The following INTS4 variants were observed in gnomAD, a reference collection of about 807,000 sequenced individuals.
INTS4 encodes integrator complex subunit 4.
INTS4 carries 70 observed loss-of-function variants against 119.5 expected under a neutral mutation model. The ratio of observed to expected loss-of-function variants is 0.59; its 90% CI spans 0.48 to 0.71. The LOEUF (loss-of-function observed/expected upper bound fraction) is 0.71. INTS4 is among the 30% of genes least tolerant of loss of function. INTS4 has a pLI of 0.00. For synonymous variants in INTS4, 316 were observed against 419.6 expected (o/e 0.75, Z 3.02); for missense variants, 867 against 1,173.2 (o/e 0.74, Z 3.81).
chr11:77,905,539 G>A (rs1462442157), intron 16 of INTS4, among the ~76,000 whole-genome samples: 2 of 151,858 alleles, frequency 1.3e-5, no homozygotes, highest in East Asian at 3.9e-4. Flanking sequence ...CTCCATGAAA[G>A]TGCATCATCA....
intron 16 of INTS4, among the ~76,000 whole-genome samples, chr11:77,906,525 A>C (rs1293857881): frequency 1.3e-5 from 2 of 152,236 alleles, no homozygotes; most frequent in Admixed American, 6.5e-5. Context: ...AGGCTTGGAA[A>C]AGCCAAACAA....
chr11:77,881,605 G>A (rs1275425610), intron 22 of INTS4, among the ~76,000 whole-genome samples: 3 of 152,180 alleles, frequency 2.0e-5, no homozygotes, highest in African/African-American at 7.2e-5. Context: ...TTGGTCTAAA[G>A]ATTAAATGAA....
chr11:77,967,247 G>A (rs984090512), intron 4 of INTS4, among the ~76,000 whole-genome samples: 1 of 152,124 alleles, frequency 6.6e-6, no homozygotes, highest in Non-Finnish European at 1.5e-5. Context: ...CCTTTCAGTA[G>A]GTAATTAAGG....
chr11:77,924,433 T>C (rs1953445515), intron 12 of INTS4: 2 of 220,008 alleles, frequency 9.1e-6, no homozygotes, highest in Non-Finnish European at 1.8e-5. Context: ...AAACACTATA[T>C]AGGAGAAAGA....
intron 8 of INTS4, among the ~76,000 whole-genome samples, chr11:77,952,104 AAATT>A (rs1419982504): frequency 1.3e-5 from 2 of 152,208 alleles, no homozygotes; most frequent in Admixed American, 6.5e-5. Flanking sequence ...CAATTTTTTA[AAATT>A]AATTAATTTT....
At chr11:77,990,976 G>C (rs1049525858) in intron 2 of INTS4, 132 bp downstream of exon 2, 3 of 722,836 alleles carry the variant, frequency 4.2e-6, no homozygotes, top group African/African-American at 3.6e-5. Flanking sequence ...GGTATCCATA[G>C]TACCTAGCAC....
chr11:77,887,016 C>A (rs531155209), intron 21 of INTS4, among the ~76,000 whole-genome samples: 2 of 151,748 alleles, frequency 1.3e-5, no homozygotes, highest in East Asian at 3.9e-4. Flanking sequence ...AAAATTGACA[C>A]CCTAACATCA....
At chr11:77,952,474 A>G (rs1565268127) in intron 8 of INTS4, among the ~76,000 whole-genome samples, 1 of 152,252 alleles carries the variant, frequency 6.6e-6, no homozygotes, top group East Asian at 1.9e-4. Flanking sequence ...GTGCTTGTAT[A>G]TAAAGAAGTG....
chr11:77,963,397 T>C (rs935520704), intron 4 of INTS4: 2 of 407,324 alleles, frequency 4.9e-6, no homozygotes, highest in Non-Finnish European at 9.4e-6. Context: ...CTTTTCTTTA[T>C]ACTGTTGGAT....
chr11:77,967,002 T>A (rs1385682251), intron 4 of INTS4, among the ~76,000 whole-genome samples: 1 of 152,062 alleles, frequency 6.6e-6, no homozygotes, highest in Non-Finnish European at 1.5e-5. Flanking sequence ...TGCCAATACT[T>A]TTTTTTTCTT....
chr11:77,912,365 A>G (rs1334297954), intron 15 of INTS4, among the ~76,000 whole-genome samples: 1 of 151,648 alleles, frequency 6.6e-6, no homozygotes, highest in Admixed American at 6.6e-5. Context: ...CCATCTCCAA[A>G]AAAAAAAAAA....
At chr11:77,973,001 T>C (rs1429965504) in intron 4 of INTS4, among the ~76,000 whole-genome samples, 1 of 151,668 alleles carries the variant, frequency 6.6e-6, no homozygotes, top group Non-Finnish European at 1.5e-5. Context: ...CCACCATACC[T>C]GACTAATTTT....
At chr11:77,955,913 T>C (rs1166702876) in intron 8 of INTS4, 29 bp downstream of exon 8, 2 of 1,564,612 alleles carry the variant, frequency 1.3e-6, no homozygotes, top group South Asian at 1.1e-5. Flanking sequence ...TATACATGCA[T>C]ACATACATAC....
chr11:77,930,130 A>T (rs1953610627), intron 10 of INTS4, among the ~76,000 whole-genome samples: 1 of 152,248 alleles, frequency 6.6e-6, no homozygotes, highest in South Asian at 2.1e-4. Flanking sequence ...AATGCTCATA[A>T]GACTTCTATA....
chr11:77,929,284 A>AT (rs1162003535), intron 10 of INTS4, among the ~76,000 whole-genome samples: 1 of 151,984 alleles, frequency 6.6e-6, no homozygotes, highest in East Asian at 1.9e-4. Context: ...TACTCCTCTC[A>AT]TTCTATAAAC....
At chr11:77,968,104 T>C (rs146946766) in intron 4 of INTS4, among the ~76,000 whole-genome samples, 2 of 152,142 alleles carry the variant, frequency 1.3e-5, no homozygotes, top group Non-Finnish European at 2.9e-5. Context: ...TCTAAACATA[T>C]CTACACATAG....
chr11:77,893,938 A>G (rs995763636), intron 19 of INTS4, among the ~76,000 whole-genome samples: 8 of 141,164 alleles, frequency 5.7e-5, no homozygotes, highest in African/African-American at 2.1e-4. Context: ...AATGGTGTGA[A>G]CGAACAGTGT....
intron 2 of INTS4, among the ~76,000 whole-genome samples, chr11:77,983,963 A>G (rs1161395970): frequency 6.6e-6 from 1 of 152,240 alleles, no homozygotes; most frequent in Non-Finnish European, 1.5e-5. Context: ...CACAACAGCT[A>G]AAATGTGGAA....
At chr11:77,973,248 T>C (rs1855802960) in intron 4 of INTS4, among the ~76,000 whole-genome samples, 1 of 152,258 alleles carries the variant, frequency 6.6e-6, no homozygotes, top group Non-Finnish European at 1.5e-5. Context: ...TTTTGTATGC[T>C]GATTTTGTAT....
Sources: allele counts gnomAD v4.1 joint callset (sites outside exome capture counted in the v4.1 genomes callset), GRCh38; gene constraint gnomAD v4.1.1; transcripts MANE v1.5; gene names NCBI Gene and HGNC (gene_info 2026-07-23, HGNC 2026-07-21).